Variants in SLC24A2 observed in about 807,000 individuals in gnomAD.
SLC24A2 encodes the protein solute carrier family 24 member 2.
Under a neutral mutation model 62.0 loss-of-function variants are expected in SLC24A2, and 36 were observed. The observed-to-expected ratio is 0.58, with a 90% CI of 0.44 to 0.77. SLC24A2 has a LOEUF of 0.77. Among genes scored for constraint, SLC24A2 ranks in the 30% least tolerant of loss-of-function variants. The probability of loss-of-function intolerance (pLI) is 0.00; values close to 1 mark genes in which losing one functional copy is unlikely to be tolerated. For synonymous variants in SLC24A2, 358 were observed against 294.0 expected (o/e 1.22, Z -2.23); for missense variants, 846 against 817.9 (o/e 1.03, Z -0.42).
At chr9:19,562,502 G>A (rs888076132) in intron 7 of SLC24A2, among the ~76,000 whole-genome samples, 3 of 152,146 alleles carry the variant, frequency 2.0e-5, no homozygotes, top group Non-Finnish European at 4.4e-5. Flanking sequence ...AGAAACTCTA[G>A]AGTCTGATCT....
At chr9:19,872,889 A>C in the SLC24A2 span, among the ~76,000 whole-genome samples, 1 of 152,264 alleles carries the variant, frequency 6.6e-6, no homozygotes, top group East Asian at 1.9e-4. Flanking sequence ...GAGCCCCGGT[A>C]ATAAAGTCAG....
the SLC24A2 span, among the ~76,000 whole-genome samples, chr9:19,891,106 T>C: frequency 3.3e-5 from 5 of 152,208 alleles, no homozygotes; most frequent in African/African-American, 1.2e-4. Context: ...TATTCTCTCC[T>C]TCCAAAATAT....
At chr9:19,865,386 A>C in the SLC24A2 span, among the ~76,000 whole-genome samples, 1 of 152,168 alleles carries the variant, frequency 6.6e-6, no homozygotes, top group East Asian at 1.9e-4. Context: ...CAAAAGACCC[A>C]GAATCGCCAA....
At chr9:19,624,939 C>A (rs1270966037) in intron 2 of SLC24A2, among the ~76,000 whole-genome samples, 2 of 152,118 alleles carry the variant, frequency 1.3e-5, no homozygotes, top group African/African-American at 4.8e-5. Flanking sequence ...GATTACGTTA[C>A]AAATTCAATT....
the SLC24A2 span, among the ~76,000 whole-genome samples, chr9:20,006,364 C>A: frequency 0.011 from 1,725 of 150,820 alleles, 34 homozygotes; most frequent in African/African-American, 0.039. Flanking sequence ...TTAATGGGTA[C>A]AAAATATAAC....
At chr9:19,812,449 G>A in the SLC24A2 span, among the ~76,000 whole-genome samples, 1 of 151,876 alleles carries the variant, frequency 6.6e-6, no homozygotes, top group Non-Finnish European at 1.5e-5. Context: ...CTAATCTCTT[G>A]TTAAACCCAT....
At chr9:19,829,647 C>G in the SLC24A2 span, among the ~76,000 whole-genome samples, 1 of 151,684 alleles carries the variant, frequency 6.6e-6, no homozygotes, top group Non-Finnish European at 1.5e-5. Context: ...GGGAAGATCA[C>G]TTGAGCCCAA....
the SLC24A2 span, among the ~76,000 whole-genome samples, chr9:20,192,003 A>G: frequency 1.9e-3 from 287 of 152,254 alleles, 3 homozygotes; most frequent in East Asian, 0.043. Context: ...GGTCCAACCA[A>G]ACCAAAGCAA....
chr9:20,161,863 A>T, the SLC24A2 span, among the ~76,000 whole-genome samples: 1 of 151,424 alleles, frequency 6.6e-6, no homozygotes, highest in Non-Finnish European at 1.5e-5. Context: ...TCCCAATAGG[A>T]GTTGGGAAAA....
At chr9:19,828,329 T>C in the SLC24A2 span, among the ~76,000 whole-genome samples, 1 of 152,168 alleles carries the variant, frequency 6.6e-6, no homozygotes, top group Non-Finnish European at 1.5e-5. Flanking sequence ...ATTAAGGTGA[T>C]GGAAATCCCA....
chr9:19,770,562 TACTA>T (rs1197664979), intron 2 of SLC24A2, among the ~76,000 whole-genome samples: 11 of 152,196 alleles, frequency 7.2e-5, no homozygotes, highest in African/African-American at 2.2e-4. Context: ...CCTATTACCT[TACTA>T]ACTATCATAC....
At chr9:20,077,241 T>C in the SLC24A2 span, among the ~76,000 whole-genome samples, 12 of 152,174 alleles carry the variant, frequency 7.9e-5, no homozygotes, top group African/African-American at 2.4e-4. Flanking sequence ...ACAGACTACT[T>C]AATAAATTGT....
At chr9:19,682,357 A>C (rs1002764283) in intron 2 of SLC24A2, among the ~76,000 whole-genome samples, 3 of 152,134 alleles carry the variant, frequency 2.0e-5, no homozygotes, top group African/African-American at 7.2e-5. Flanking sequence ...CCCTTCTGTA[A>C]GCCCAACCGG....
the SLC24A2 span, among the ~76,000 whole-genome samples, chr9:20,055,417 T>C: frequency 2.6e-5 from 4 of 152,290 alleles, no homozygotes; most frequent in Admixed American, 2.6e-4. Context: ...CAAATCATCT[T>C]ATAAATATTA....
At chr9:20,224,149 G>A in the SLC24A2 span, among the ~76,000 whole-genome samples, 6 of 151,998 alleles carry the variant, frequency 3.9e-5, no homozygotes, top group African/African-American at 7.3e-5. Context: ...TGAGATTTGG[G>A]TGGGGACACA....
intron 7 of SLC24A2, among the ~76,000 whole-genome samples, chr9:19,570,246 T>C (rs1172369950): frequency 3.3e-5 from 5 of 152,246 alleles, no homozygotes. Flanking sequence ...TTCTATCCTC[T>C]TTCTCTCCAA....
chr9:20,258,646 T>C, the SLC24A2 span, among the ~76,000 whole-genome samples: 3 of 152,296 alleles, frequency 2.0e-5, no homozygotes, highest in East Asian at 5.8e-4. Context: ...TGACTAATAA[T>C]TTCACCATGA....
chr9:20,226,938 G>A, the SLC24A2 span, among the ~76,000 whole-genome samples: 1 of 152,148 alleles, frequency 6.6e-6, no homozygotes. Flanking sequence ...GTTCTGATTT[G>A]TGCTAACAGG....
At chr9:19,722,294 T>A (rs1821049214) in intron 2 of SLC24A2, among the ~76,000 whole-genome samples, 1 of 152,128 alleles carries the variant, frequency 6.6e-6, no homozygotes, top group African/African-American at 2.4e-5. Flanking sequence ...GATTATCAAT[T>A]CTCTTGAAGT....
Sources: allele counts gnomAD v4.1 joint callset (sites outside exome capture counted in the v4.1 genomes callset), GRCh38; gene constraint gnomAD v4.1.1; transcripts MANE v1.5; gene names NCBI Gene and HGNC (gene_info 2026-07-23, HGNC 2026-07-21).